RTN1: variants seen among roughly 807,000 people sequenced by gnomAD.
RTN1 encodes reticulon-1.
A neutral mutation model predicts 65.5 loss-of-function variants in RTN1; 25 were observed. The ratio of observed to expected loss-of-function variants is 0.38; its 90% CI spans 0.28 to 0.53. The LOEUF (loss-of-function observed/expected upper bound fraction) is 0.53, where lower values mean the gene tolerates loss of function less well. RTN1 is among the 20% of genes least tolerant of loss of function. The pLI, the probability that RTN1 is intolerant of heterozygous loss-of-function variation, is 0.79. For synonymous variants in RTN1, 471 were observed against 447.6 expected, an observed-to-expected ratio of 1.05 and a Z score of -0.66; for missense variants, 983 against 1,025.4, an observed-to-expected ratio of 0.96 and a Z score of 0.57.
intron 2 of RTN1, among the ~76,000 whole-genome samples, chr14:59,741,699 A>G (rs757219604): frequency 1.3e-5 from 2 of 152,116 alleles, no homozygotes; most frequent in South Asian, 2.1e-4. Context: ...TATCTGTCCA[A>G]TGGTGTTCTC....
intron 3 of RTN1, among the ~76,000 whole-genome samples, chr14:59,628,577 T>C (rs1437898886): frequency 6.6e-6 from 1 of 152,218 alleles, no homozygotes; most frequent in Non-Finnish European, 1.5e-5. Flanking sequence ...ATTTGTTCCA[T>C]CTAACAAAAG....
chr14:59,827,053 G>C (rs563672086), intron 1 of RTN1, among the ~76,000 whole-genome samples: 2 of 151,678 alleles, frequency 1.3e-5, no homozygotes, highest in Non-Finnish European at 2.9e-5. Context: ...ACAAGGACAT[G>C]TGTATATGTG....
chr14:59,655,916 C>T (rs1883114189), intron 3 of RTN1, among the ~76,000 whole-genome samples: 1 of 151,982 alleles, frequency 6.6e-6, no homozygotes, highest in African/African-American at 2.4e-5. Flanking sequence ...TCTTCAAGAC[C>T]CACACAAAAA....
At chr14:59,862,848 C>T (rs966649355) in intron 1 of RTN1, among the ~76,000 whole-genome samples, 3 of 152,034 alleles carry the variant, frequency 2.0e-5, no homozygotes, top group Non-Finnish European at 1.5e-5. Context: ...CAATTTTATA[C>T]CTTCTCCCCT....
chr14:59,814,628 A>G (rs1886787272), intron 1 of RTN1, among the ~76,000 whole-genome samples: 1 of 152,232 alleles, frequency 6.6e-6, no homozygotes, highest in South Asian at 2.1e-4. Context: ...GGCTTCAACA[A>G]AACAGATTGG....
chr14:59,865,304 T>C (rs146044552), intron 1 of RTN1, among the ~76,000 whole-genome samples: 272 of 152,302 alleles, frequency 1.8e-3, no homozygotes, highest in African/African-American at 5.9e-3. Flanking sequence ...CCTAGTCTTA[T>C]TCTCCAAAGA....
chr14:59,824,465 G>C (rs1886996270), intron 1 of RTN1, among the ~76,000 whole-genome samples: 1 of 152,120 alleles, frequency 6.6e-6, no homozygotes, highest in African/African-American at 2.4e-5. Context: ...TTCACTCTTT[G>C]ATTCACAATC....
chr14:59,598,449 T>C (rs1354486888), intron 8 of RTN1, among the ~76,000 whole-genome samples: 1 of 152,166 alleles, frequency 6.6e-6, no homozygotes, highest in Admixed American at 6.5e-5. Flanking sequence ...AAACCTTACA[T>C]AAATAAGTGG....
intron 3 of RTN1, among the ~76,000 whole-genome samples, chr14:59,686,722 T>C (rs1484388314): frequency 1.3e-5 from 2 of 152,202 alleles, no homozygotes; most frequent in African/African-American, 2.4e-5. Context: ...ACTGGGGATC[T>C]GAGCAGCCCA....
chr14:59,818,877 G>A (rs1271844818), intron 1 of RTN1, among the ~76,000 whole-genome samples: 1 of 152,196 alleles, frequency 6.6e-6, no homozygotes, highest in African/African-American at 2.4e-5. Context: ...GTGAGATTGT[G>A]TGCAGAACTG....
intron 1 of RTN1, among the ~76,000 whole-genome samples, chr14:59,800,170 G>A (rs1304268226): frequency 2.0e-5 from 3 of 152,142 alleles, no homozygotes; most frequent in African/African-American, 7.2e-5. Flanking sequence ...GTAACCCATT[G>A]TGAGAGGAAT....
chr14:59,610,247 C>A (rs1595112847), intron 3 of RTN1: 2 of 689,926 alleles, frequency 2.9e-6, no homozygotes, highest in East Asian at 2.7e-5. Context: ...GGGCAGAAAG[C>A]ATTAGCTAAG....
intron 3 of RTN1, among the ~76,000 whole-genome samples, chr14:59,707,966 A>T (rs1401790479): frequency 6.6e-6 from 1 of 152,224 alleles, no homozygotes; most frequent in Non-Finnish European, 1.5e-5. Flanking sequence ...GAATGCCATG[A>T]AACTTACAGC....
Position 59,752,313 on chromosome 14 carries a change from C to T in RTN1, c.242-5832G>A, listed in dbSNP as rs920889060. ...GGTGAGGGCCCACTTCCTACATAGC[C>T]ATCTTTTTGCTGTAATTTCACATGG... On this transcript the variant is annotated intron_variant, in intron 1 of 8. Transcript: ENST00000267484. Among the ~76,000 whole-genome samples the T allele has an allele frequency of 2.6e-5, 4 of 152,120 alleles. No homozygotes were observed. In the East Asian group the frequency reaches 7.7e-4, roughly 29 times the overall value.
At chr14:59,772,141 T>G (rs1341748654) in intron 1 of RTN1, among the ~76,000 whole-genome samples, 1 of 152,250 alleles carries the variant, frequency 6.6e-6, no homozygotes, top group African/African-American at 2.4e-5. Flanking sequence ...AGTTTTTAGT[T>G]AATCAACTGG....
intron 1 of RTN1, among the ~76,000 whole-genome samples, chr14:59,785,647 C>CT (rs1297772095): frequency 6.6e-6 from 1 of 152,192 alleles, no homozygotes; most frequent in African/African-American, 2.4e-5. Flanking sequence ...TATGCCATAA[C>CT]TATTGTTATT....
intron 3 of RTN1, among the ~76,000 whole-genome samples, chr14:59,647,544 T>A (rs555263313): frequency 6.6e-6 from 1 of 152,344 alleles, no homozygotes; most frequent in African/African-American, 2.4e-5. Context: ...AACCACACAG[T>A]TGGTTATATA....
At chr14:59,834,111 T>C (rs924518166) in intron 1 of RTN1, among the ~76,000 whole-genome samples, 9 of 152,232 alleles carry the variant, frequency 5.9e-5, no homozygotes, top group Non-Finnish European at 1.2e-4. Flanking sequence ...CGAGAAAAGA[T>C]AGTCTTCCAA....
At chr14:59,661,202 C>G (rs1883237528) in intron 3 of RTN1, among the ~76,000 whole-genome samples, 1 of 142,420 alleles carries the variant, frequency 7.0e-6, no homozygotes, top group African/African-American at 2.6e-5. Context: ...AAGTTGAGTC[C>G]CTGAACAGAC....
Sources: allele counts gnomAD v4.1 joint callset (sites outside exome capture counted in the v4.1 genomes callset), GRCh38; gene constraint gnomAD v4.1.1; transcripts MANE v1.5; gene names NCBI Gene and HGNC (gene_info 2026-07-23, HGNC 2026-07-21).